CLDN16: variants seen among roughly 807,000 people sequenced by gnomAD.
CLDN16 encodes claudin-16.
CLDN16 carries 13 observed loss-of-function variants against 24.6 expected under a neutral mutation model. The observed-to-expected ratio is 0.53, with a 90% confidence interval of 0.34 to 0.84. CLDN16 has a LOEUF of 0.84. Among genes scored for constraint, CLDN16 ranks in the 40% least tolerant of loss-of-function variants. The pLI, the probability that CLDN16 is intolerant of heterozygous loss-of-function variation, is 0.01. For missense variants in CLDN16, 298 were observed against 292.7 expected, an observed-to-expected ratio of 1.02 and a Z score of -0.13; for synonymous variants, 116 against 106.7, an observed-to-expected ratio of 1.09 and a Z score of -0.54.
chr3:190,345,032 G>A (rs146913320), intron 1 of CLDN16, among the ~76,000 whole-genome samples: 1 of 152,252 alleles, frequency 6.6e-6, no homozygotes, highest in Non-Finnish European at 1.5e-5. Context: ...TAATACCAAT[G>A]TTAACACTGA....
At chr3:190,308,528 G>C in the CLDN16 span, 1 of 1,257,670 alleles carries the variant, frequency 8.0e-7, no homozygotes, top group Admixed American at 2.0e-5. Flanking sequence ...AATACTCATT[G>C]TATTTTTTTC....
At chr3:190,317,688 A>T (rs1004039733), upstream of CLDN16, among the ~76,000 whole-genome samples, 6 of 152,200 alleles carry the variant, frequency 3.9e-5, no homozygotes, top group African/African-American at 1.4e-4. Context: ...TTCCAGGACC[A>T]CCCACAGGTA....
intron 1 of CLDN16, among the ~76,000 whole-genome samples, chr3:190,346,150 C>T (rs75716288): frequency 1.5e-4 from 22 of 151,700 alleles, no homozygotes; most frequent in African/African-American, 4.8e-4. Flanking sequence ...GAATTTACAC[C>T]GAGACCGAAG....
chr3:190,378,890 T>A (rs1481151548), intron 3 of CLDN16, among the ~76,000 whole-genome samples: 1 of 152,040 alleles, frequency 6.6e-6, no homozygotes, highest in Non-Finnish European at 1.5e-5. Context: ...ATTTTCGTCA[T>A]CTATAAAATG....
At chr3:190,394,497 A>T (rs1718765016) in intron 1 of CLDN16, among the ~76,000 whole-genome samples, 1 of 152,166 alleles carries the variant, frequency 6.6e-6, no homozygotes, top group Non-Finnish European at 1.5e-5. Flanking sequence ...TAAATATTAA[A>T]ATTATTATAT....
At chr3:190,347,893 G>A (rs1717585353) in intron 1 of CLDN16, among the ~76,000 whole-genome samples, 1 of 151,994 alleles carries the variant, frequency 6.6e-6, no homozygotes, top group African/African-American at 2.4e-5. Context: ...AGAAAAAAAG[G>A]TCTGTGGCTG....
At chr3:190,306,446 C>T in the CLDN16 span, 1 of 152,142 alleles carries the variant, frequency 6.6e-6, no homozygotes, top group Non-Finnish European at 1.5e-5. Flanking sequence ...CAGTTAATTC[C>T]TCAATTCTTT....
intron 4 of CLDN16, among the ~76,000 whole-genome samples, chr3:190,409,148 A>G (rs1368717877): frequency 6.6e-6 from 1 of 151,282 alleles, no homozygotes; most frequent in Non-Finnish European, 1.5e-5. Context: ...TTTAATGGTA[A>G]CAGGTAGGAA....
At chr3:190,332,981 C>T (rs1157840588) in intron 1 of CLDN16, among the ~76,000 whole-genome samples, 2 of 152,058 alleles carry the variant, frequency 1.3e-5, no homozygotes, top group Non-Finnish European at 2.9e-5. Context: ...CATGATTAAG[C>T]AAATTTTTAT....
chr3:190,298,945 AAG>A, the CLDN16 span, among the ~76,000 whole-genome samples: 1 of 152,260 alleles, frequency 6.6e-6, no homozygotes, highest in East Asian at 1.9e-4. Context: ...ATATACATAT[AAG>A]AGTTTCTCAA....
rs775121017 is a variant in CLDN16 at position 190,409,958 on chromosome 3, G to A, written c.630G>A (p.Ala210=). ...CCTTGAGGAAAGCCTATTCAGCCGCGGGTGTTTCCATGGCCAAGTCATACT... is the reference window on the plus strand; with the variant it reads ...CCTTGAGGAAAGCCTATTCAGCCGCAGGTGTTTCCATGGCCAAGTCATACT... The part of the protein sequence containing the change: ...PYSLRKAYSA[A]GVSMAKSYSA... Residue 210 remains alanine, a synonymous_variant, in exon 5 of 5, where the codon GCG becomes GCA. Coordinates refer to ENST00000264734, the MANE Select transcript of CLDN16 (RefSeq NM_006580.4). The A allele has an allele frequency of 5.6e-6, 9 of 1,613,974 alleles. No individual in the cohort carries two copies. In the East Asian group the frequency reaches 6.7e-5, roughly 12 times the overall value.
the CLDN16 span, chr3:190,305,647 ACCT>A: frequency 6.6e-6 from 1 of 152,026 alleles, no homozygotes; most frequent in African/African-American, 2.4e-5. Context: ...GTCCCAAGCC[ACCT>A]CCTCTACCAA....
At chr3:190,358,361 G>T (rs1283048874) in intron 1 of CLDN16, among the ~76,000 whole-genome samples, 1 of 151,926 alleles carries the variant, frequency 6.6e-6, no homozygotes, top group Non-Finnish European at 1.5e-5. Context: ...ATCTAATCAT[G>T]AGTGCATTCA....
At chr3:190,338,861 C>G (rs758221456) in intron 1 of CLDN16, among the ~76,000 whole-genome samples, 1 of 152,164 alleles carries the variant, frequency 6.6e-6, no homozygotes, top group Admixed American at 6.5e-5. Context: ...GCTCTTGGCA[C>G]TTCTCCAGAT....
intron 1 of CLDN16, among the ~76,000 whole-genome samples, chr3:190,346,075 AAG>A (rs1717544236): frequency 6.6e-6 from 1 of 152,146 alleles, no homozygotes; most frequent in African/African-American, 2.4e-5. Flanking sequence ...GATAGAACTG[AAG>A]CGTCCTATGG....
the CLDN16 span, among the ~76,000 whole-genome samples, chr3:190,304,798 G>GA: frequency 2.0e-5 from 3 of 152,166 alleles, no homozygotes; most frequent in Admixed American, 1.3e-4. Flanking sequence ...ATGACAGGCT[G>GA]AAAAAGGTGG....
chr3:190,364,039 G>T (rs1344275222), intron 1 of CLDN16, among the ~76,000 whole-genome samples: 1 of 151,204 alleles, frequency 6.6e-6, no homozygotes, highest in African/African-American at 2.4e-5. Flanking sequence ...TCCTGAGTGA[G>T]GCTGTAGTGC....
chr3:190,319,663 G>A (rs138090627), upstream of CLDN16, among the ~76,000 whole-genome samples: 696 of 152,268 alleles, frequency 4.6e-3, 6 homozygotes, highest in Middle Eastern at 0.044. Context: ...GTACAATTTC[G>A]GGAAACCCAC....
rs373757374 is a variant in CLDN16 at position 190,407,628 on chromosome 3, C to T, written c.383-686C>T. ...GGACACTAGTGGCGTCATTTCAAACCAGTTAATTGTCAGAGAGGCTAAGCT... is the reference window on the plus strand; with the variant it reads ...GGACACTAGTGGCGTCATTTCAAACTAGTTAATTGTCAGAGAGGCTAAGCT... On this transcript the variant is annotated intron_variant, in intron 3 of 4. Transcript: ENST00000264734. 1.6e-4 allele frequency among the ~76,000 whole-genome samples: 24 copies of T among 152,094 alleles called. 1 individual carries two copies. In the East Asian group the frequency reaches 4.0e-3, roughly 26 times the overall value.
Sources: gnomAD v4.1 joint callset for allele counts (sites outside exome capture counted in the v4.1 genomes callset) on GRCh38, gnomAD v4.1.1 for gene constraint, MANE v1.5 for transcripts, NCBI Gene and HGNC (gene_info 2026-07-23, HGNC 2026-07-21) for gene names.